WDFY2: variants seen among roughly 807,000 people sequenced by gnomAD.
WDFY2 encodes WD repeat and FYVE domain containing 2, also known as WD repeat and FYVE domain-containing protein 2.
A neutral mutation model predicts 56.4 loss-of-function variants in WDFY2; 36 were observed. That is an observed-to-expected ratio of 0.64 (90% CI 0.49 to 0.84). The LOEUF (loss-of-function observed/expected upper bound fraction) is 0.84. WDFY2 is among the 40% of genes least tolerant of loss of function. WDFY2 has a pLI of 0.00. For synonymous variants in WDFY2, 176 were observed against 183.7 expected (o/e 0.96, Z 0.34); for missense variants, 444 against 512.2 (o/e 0.87, Z 1.29).
chr13:51,694,315 C>T (rs1951814670), intron 3 of WDFY2, among the ~76,000 whole-genome samples: 1 of 152,190 alleles, frequency 6.6e-6, no homozygotes, highest in African/African-American at 2.4e-5. Flanking sequence ...TTTTCAGTGG[C>T]TGGTACTGGT....
At chr13:51,712,748 A>G (rs1694357421) in intron 4 of WDFY2, among the ~76,000 whole-genome samples, 1 of 152,104 alleles carries the variant, frequency 6.6e-6, no homozygotes, top group African/African-American at 2.4e-5. Context: ...ACAGGGAAAA[A>G]AAAAAAGAGA....
intron 9 of WDFY2, 112 bp from the exon 10 acceptor site, chr13:51,756,220 C>T: frequency 6.9e-7 from 1 of 1,454,968 alleles, no homozygotes; most frequent in African/African-American, 1.4e-5. Context: ...TCTTGTTCAG[C>T]ATCCTCACCT....
intron 1 of WDFY2, among the ~76,000 whole-genome samples, chr13:51,641,840 A>T (rs1593920077): frequency 6.6e-6 from 1 of 151,348 alleles, no homozygotes; most frequent in East Asian, 1.9e-4. Context: ...AAAAAAAAAA[A>T]AAAAAAAAAA....
intron 1 of WDFY2, among the ~76,000 whole-genome samples, chr13:51,651,928 G>C (rs1183408103): frequency 2.0e-5 from 3 of 152,172 alleles, no homozygotes; most frequent in Non-Finnish European, 4.4e-5. Context: ...GCTTGGTGCA[G>C]AGCTGAGTTC....
In WDFY2 at chr13:51,760,538, G is replaced by C. The variant is rs1953548514; in HGVS notation, c.*769G>C. The C allele has an allele frequency of 6.6e-6, 1 of 152,084 alleles. No homozygotes were observed. The highest frequency in any genetic ancestry group is 1.5e-5 in the Non-Finnish European group (1 of 68,018). The allele number at this position is 152,084 out of a possible 1,614,324, so 9.4% of individuals were successfully genotyped here. On this transcript the variant is annotated 3_prime_UTR_variant, in exon 12 of 12. Coordinates refer to ENST00000298125, the MANE Select transcript of WDFY2 (RefSeq NM_052950.4). ...TTTTAACTCAGAGCTTCAACGATCA[G>C]TGCCTGGATCATTTAGAATTCAGTT...
chr13:51,642,225 A>G (rs906963627), intron 1 of WDFY2, among the ~76,000 whole-genome samples: 1 of 151,972 alleles, frequency 6.6e-6, no homozygotes, highest in African/African-American at 2.4e-5. Context: ...TTATCTTACA[A>G]TTTATATATT....
At chr13:51,746,659 A>G (rs894939480) in intron 7 of WDFY2, among the ~76,000 whole-genome samples, 1 of 152,256 alleles carries the variant, frequency 6.6e-6, no homozygotes, top group African/African-American at 2.4e-5. Context: ...AATTCTGGGC[A>G]ATGAGTGAGA....
At chr13:51,721,901 T>C (rs1490455840) in intron 5 of WDFY2, among the ~76,000 whole-genome samples, 5 of 152,142 alleles carry the variant, frequency 3.3e-5, no homozygotes, top group South Asian at 2.1e-4. Context: ...GGCTGATAGA[T>C]TGTTAATAGG....
chr13:51,635,500 G>A (rs1399844705), intron 1 of WDFY2, among the ~76,000 whole-genome samples: 16 of 152,160 alleles, frequency 1.1e-4, no homozygotes, highest in African/African-American at 3.9e-4. Context: ...TTTCTAAATA[G>A]TGAAAACTTT....
chr13:51,740,713 C>CAA (rs5803567), intron 7 of WDFY2, among the ~76,000 whole-genome samples: 1 of 90,156 alleles, frequency 1.1e-5, no homozygotes, highest in African/African-American at 3.7e-5. Context: ...GACTCCGTCT[C>CAA]AAAAAAAAAA....
chr13:51,599,899 A>AC (rs913063185), intron 1 of WDFY2, among the ~76,000 whole-genome samples: 22 of 151,974 alleles, frequency 1.4e-4, no homozygotes, highest in African/African-American at 5.1e-4. Context: ...AAACAAACAA[A>AC]AAAAAAAACA....
chr13:51,655,540 A>C (rs557279474), intron 1 of WDFY2, among the ~76,000 whole-genome samples: 6 of 152,032 alleles, frequency 3.9e-5, no homozygotes, highest in African/African-American at 1.4e-4. Context: ...GATAAATCAC[A>C]CTCAGTCATG....
chr13:51,706,939 A>G (rs748654438), intron 4 of WDFY2, among the ~76,000 whole-genome samples: 1 of 152,250 alleles, frequency 6.6e-6, no homozygotes, highest in Non-Finnish European at 1.5e-5. Flanking sequence ...AAGCCATAAC[A>G]TAATATGTTA....
Position 51,584,582 on chromosome 13 carries a change from G to T in WDFY2, c.-106G>T. On this transcript the variant is annotated 5_prime_UTR_variant, in exon 1 of 12. Coordinates refer to ENST00000298125, the MANE Select transcript of WDFY2 (RefSeq NM_052950.4). ...CGCCGGTTTCCGGCGTTCCGCTCCG[G>T]CCAGCCAGAGTCTCTGTCTCAACCT... is the stretch of plus-strand genomic sequence containing the variant. 7.1e-7 allele frequency: 1 copy of T among 1,407,362 alleles called. No homozygotes were observed. Among genetic ancestry groups the T allele is most frequent in the Non-Finnish European group, 9.3e-7 (1 of 1,071,426 alleles). The allele number at this position is 1,407,362 out of a possible 1,614,324, so 87.2% of individuals were successfully genotyped here.
intron 2 of WDFY2, among the ~76,000 whole-genome samples, chr13:51,674,499 A>G (rs1282187963): frequency 1.3e-5 from 2 of 152,012 alleles, no homozygotes; most frequent in Non-Finnish European, 2.9e-5. Context: ...AACAGGGAGA[A>G]CCAGTCCAGG....
chr13:51,691,127 T>A (rs1956147433), intron 3 of WDFY2, among the ~76,000 whole-genome samples: 1 of 151,994 alleles, frequency 6.6e-6, no homozygotes, highest in Non-Finnish European at 1.5e-5. Context: ...TTGCGAAAAT[T>A]TTCTCCCATT....
intron 1 of WDFY2, chr13:51,593,966 T>C (rs1453053048): frequency 6.6e-6 from 1 of 152,196 alleles, no homozygotes; most frequent in Non-Finnish European, 1.5e-5. Context: ...CAGTGGCCAT[T>C]CAGAGGCACA....
At chr13:51,624,405 T>G (rs1455361989) in intron 1 of WDFY2, among the ~76,000 whole-genome samples, 1 of 152,210 alleles carries the variant, frequency 6.6e-6, no homozygotes, top group African/African-American at 2.4e-5. Flanking sequence ...GTTGAGTTCT[T>G]GATATGACTG....
intron 1 of WDFY2, among the ~76,000 whole-genome samples, chr13:51,633,475 C>T (rs1025813838): frequency 1.5e-4 from 23 of 152,174 alleles, no homozygotes; most frequent in African/African-American, 5.6e-4. Flanking sequence ...AGTAGGGTAT[C>T]TGGATCTAAA....
Sources: allele counts gnomAD v4.1 joint callset (sites outside exome capture counted in the v4.1 genomes callset), GRCh38; gene constraint gnomAD v4.1.1; transcripts MANE v1.5; gene names NCBI Gene and HGNC (gene_info 2026-07-23, HGNC 2026-07-21).